The following ADGRV1 variants were observed in gnomAD, a reference collection of about 807,000 sequenced individuals.
ADGRV1 encodes G-protein coupled receptor 98.
A neutral mutation model predicts 596.2 loss-of-function variants in ADGRV1; 359 were observed. The observed-to-expected ratio is 0.60, with a 90% CI of 0.55 to 0.66. The LOEUF (loss-of-function observed/expected upper bound fraction) is 0.66, where lower values mean the gene tolerates loss of function less well. Ranked by LOEUF, ADGRV1 falls within the 30% of genes least tolerant of loss-of-function variation. The pLI is 0.00. For missense variants in ADGRV1, 7,274 were observed against 7,575.6 expected (o/e 0.96, Z 1.48); for synonymous variants, 2,681 against 2,679.2 (o/e 1.00, Z -0.02).
In ADGRV1 at chr5:90,675,417, T is replaced by G; in HGVS notation, c.5285T>G (p.Leu1762Trp). Residue 1762 changes from leucine to tryptophan, a missense_variant, in exon 24 of 90, where the codon TTG (leucine) becomes TGG (tryptophan). This residue lies in a region of ADGRV1 where 3,643 missense variants were observed against 3,809.2 expected (regional missense o/e 0.96). Coordinates refer to ENST00000405460, the MANE Select transcript of ADGRV1 (RefSeq NM_032119.4). The stretch of plus-strand genomic sequence containing the variant: ...ACTGCGGAATTTAGAACAGTGTCCT[T>G]GACAGCATTCAGTCCTGAGGATTAC... ...RVTAEFRTVS[L>W]TAFSPEDYQN... 1 of 1,613,704 alleles carries G rather than the reference T, an allele frequency of 6.2e-7. No homozygotes were observed. The highest frequency in any genetic ancestry group is 8.5e-7 in the Non-Finnish European group (1 of 1,179,782).
At chr5:90,715,073 T>C (rs918219853) in intron 42 of ADGRV1, among the ~76,000 whole-genome samples, 1 of 152,216 alleles carries the variant, frequency 6.6e-6, no homozygotes, top group Non-Finnish European at 1.5e-5. Flanking sequence ...AATTTAGAAA[T>C]ATAAAATGCC....
At position 90,595,616 on chromosome 5, in the gene ADGRV1, A is replaced by AC. The variant is rs1164910243; in HGVS notation, c.23-19212dup. Among the ~76,000 whole-genome samples the AC allele has an allele frequency of 2.2e-3, 217 of 97,100 alleles. 11 individuals are homozygous for AC. Among genetic ancestry groups the AC allele is most frequent in the African/African-American group, 9.1e-3 (199 of 21,856 alleles). 63.7% of individuals were successfully genotyped at this position (97,100 alleles called of 152,430 possible). A position where few individuals can be genotyped will look rare whatever the true frequency, so the allele number is the denominator to read the frequency against. On this transcript the variant is annotated intron_variant, in intron 1 of 89. Transcript: ENST00000405460. ...GGGCGGCTGGCCGGGCGGGGGGCTG[A>AC]CCCCCCCACCTCCCTCCCGGACGGG... is the stretch of plus-strand genomic sequence containing the variant.
chr5:91,036,130 G>C (rs1784893646), intron 85 of ADGRV1, among the ~76,000 whole-genome samples: 1 of 151,924 alleles, frequency 6.6e-6, no homozygotes, highest in Non-Finnish European at 1.5e-5. Flanking sequence ...GGTAAGGCAT[G>C]TATCCTTAAA....
intron 83 of ADGRV1, among the ~76,000 whole-genome samples, chr5:90,906,851 T>C (rs1772370599): frequency 6.6e-6 from 1 of 152,178 alleles, no homozygotes; most frequent in Non-Finnish European, 1.5e-5. Flanking sequence ...CTTTCCATTG[T>C]TTTAATGTAG....
At chr5:90,640,746 A>T (rs980219392) in intron 11 of ADGRV1, 4 of 152,612 alleles carry the variant, frequency 2.6e-5, no homozygotes, top group Admixed American at 2.6e-4. Flanking sequence ...TTCCCTTGCC[A>T]TTCTAAGTTT....
chr5:90,806,024 G>GTCT (rs1467762847), intron 72 of ADGRV1, among the ~76,000 whole-genome samples: 3 of 152,086 alleles, frequency 2.0e-5, no homozygotes, highest in Admixed American at 6.5e-5. Flanking sequence ...GATTCACAGG[G>GTCT]TCTTGTTGGT....
In ADGRV1 at chr5:90,764,061, T is replaced by A. The variant is rs116835014; in HGVS notation, c.12285+592T>A. Among the ~76,000 whole-genome samples, 735 of 152,200 alleles carry A rather than the reference T, an allele frequency of 4.8e-3. 6 individuals are homozygous for A. Among genetic ancestry groups the A allele is most frequent in the African/African-American group, 0.016 (674 of 41,526 alleles). ...ATGGTAAAAAGCGATCATGTTGGAA[T>A]GTATTGGGGTCTCTTGGGGAGTGAT... On this transcript the variant is annotated intron_variant, in intron 59 of 89. Transcript: ENST00000405460.
In ADGRV1 at chr5:90,728,748, A is replaced by G. The variant is rs756094849; in HGVS notation, c.10241A>G (p.Asn3414Ser). 4 of 1,613,920 alleles carry G rather than the reference A, an allele frequency of 2.5e-6. No homozygotes were observed. Among genetic ancestry groups the G allele is most frequent in the Non-Finnish European group, 3.4e-6 (4 of 1,179,828 alleles). Reference protein sequence around the residue: ...VRGVLTVALFNKGGSVFLAIS... With the variant: ...VRGVLTVALFSKGGSVFLAIS... ...GGTGTGCTGACCGTGGCCTTGTTCAACAAGGGAGGCTCTGTGTTCTTAGCC... is the reference window on the plus strand; with the variant it reads ...GGTGTGCTGACCGTGGCCTTGTTCAGCAAGGGAGGCTCTGTGTTCTTAGCC... Residue 3414 changes from asparagine (N) to serine (S), a missense_variant, in exon 49 of 90, where the codon AAC (asparagine) becomes AGC (serine). Asn to Ser is a conservative substitution (Grantham distance 46). Coordinates refer to ENST00000405460, the MANE Select transcript of ADGRV1 (RefSeq NM_032119.4).
intron 82 of ADGRV1, among the ~76,000 whole-genome samples, chr5:90,861,492 G>T (rs1767563167): frequency 1.3e-5 from 2 of 151,296 alleles, no homozygotes; most frequent in African/African-American, 2.4e-5. Context: ...TGTATTTTTA[G>T]TAGAGACAGG....
intron 84 of ADGRV1, among the ~76,000 whole-genome samples, chr5:90,975,096 A>G (rs1374878973): frequency 6.6e-6 from 1 of 151,856 alleles, no homozygotes; most frequent in Non-Finnish European, 1.5e-5. Context: ...AGACACATGA[A>G]GAAATGCTCA....
intron 9 of ADGRV1, among the ~76,000 whole-genome samples, chr5:90,631,541 T>C (rs1350133431): frequency 6.6e-6 from 1 of 152,160 alleles, no homozygotes; most frequent in Admixed American, 6.5e-5. Flanking sequence ...ATCTTCATCT[T>C]TATTATTATT....
chr5:90,576,059 G>A (rs751928728), intron 1 of ADGRV1, among the ~76,000 whole-genome samples: 3 of 152,122 alleles, frequency 2.0e-5, no homozygotes, highest in African/African-American at 7.2e-5. Flanking sequence ...ATTGCCATGC[G>A]CAATTCAGAC....
chr5:90,870,357 A>G (rs1163110978), intron 83 of ADGRV1, among the ~76,000 whole-genome samples: 1 of 152,224 alleles, frequency 6.6e-6, no homozygotes, highest in East Asian at 1.9e-4. Flanking sequence ...CCTAACTTAC[A>G]TAGGTAGAAC....
chr5:90,965,493 T>C lies in ADGRV1; in HGVS notation c.17935T>C (p.Tyr5979His). Reference protein sequence around the residue: ...SCSAMAAVTHYLYLCQFSWML... With the variant: ...SCSAMAAVTHHLYLCQFSWML... ...TTCAGCTATGGCTGCTGTCACACAT[T>C]ACCTGTATCTTTGCCAGTTTAGCTG... Residue 5979 changes from tyrosine (Y) to histidine (H), a missense_variant, in exon 84 of 90, where the codon TAC becomes CAC. Transcript: ENST00000405460. 1 of 1,613,450 alleles carries C rather than the reference T, an allele frequency of 6.2e-7. No homozygotes were observed. The highest frequency in any genetic ancestry group is 8.5e-7 in the Non-Finnish European group (1 of 1,179,480).
At chr5:90,745,979 C>A (rs957529624) in intron 52 of ADGRV1, among the ~76,000 whole-genome samples, 184 bp downstream of exon 52, 4 of 152,124 alleles carry the variant, frequency 2.6e-5, no homozygotes, top group African/African-American at 9.7e-5. Context: ...TTGCAATTTA[C>A]AGTCTTACAC....
chr5:90,779,294 T>C (rs1378404398), intron 64 of ADGRV1, 197 bp downstream of exon 64: 5 of 397,850 alleles, frequency 1.3e-5, no homozygotes, highest in African/African-American at 1.0e-4. Flanking sequence ...TTGTTAAATA[T>C]AACTTCCCTC....
chr5:90,921,929 G>A (rs1368640451), intron 83 of ADGRV1, among the ~76,000 whole-genome samples: 2 of 151,832 alleles, frequency 1.3e-5, no homozygotes, highest in African/African-American at 4.8e-5. Context: ...AGAGAGGACA[G>A]TGCAAGTCCG....
At chr5:91,086,717 C>T (rs926916362) in intron 86 of ADGRV1, among the ~76,000 whole-genome samples, 3 of 152,158 alleles carry the variant, frequency 2.0e-5, no homozygotes, top group Admixed American at 6.5e-5. Context: ...AGGGGCCACT[C>T]CTATGCCATT....
At chr5:90,676,044 G>T in intron 24 of ADGRV1, 36 bp from the exon 25 acceptor site, 13 of 1,541,400 alleles carry the variant, frequency 8.4e-6, no homozygotes, top group Non-Finnish European at 1.1e-5. Flanking sequence ...TATACAGAAT[G>T]ATTGTAATCT....
Sources: allele counts gnomAD v4.1 joint callset (sites outside exome capture counted in the v4.1 genomes callset), GRCh38; gene constraint gnomAD v4.1.1; regional missense constraint gnomAD v4.1.1; transcripts MANE v1.5; gene names NCBI Gene and HGNC (gene_info 2026-07-23, HGNC 2026-07-21).